APBB2: variants seen among roughly 807,000 people sequenced by gnomAD.
APBB2 encodes the protein amyloid beta precursor protein binding family B member 2.
Under a neutral mutation model 82.5 loss-of-function variants are expected in APBB2, and 38 were observed. The ratio of observed to expected loss-of-function variants is 0.46; its 90% CI spans 0.36 to 0.60. The LOEUF (loss-of-function observed/expected upper bound fraction) is 0.60. APBB2 is among the 20% of genes least tolerant of loss of function. APBB2 has a pLI of 0.00. For synonymous variants in APBB2, 341 were observed against 368.2 expected, an observed-to-expected ratio of 0.93 and a Z score of 0.85; for missense variants, 772 against 972.3, an observed-to-expected ratio of 0.79 and a Z score of 2.74.
intron 4 of APBB2, among the ~76,000 whole-genome samples, chr4:41,053,852 A>G (rs1398496760): frequency 1.3e-5 from 2 of 152,238 alleles, no homozygotes; most frequent in East Asian, 1.9e-4. Flanking sequence ...AACTTTTAAT[A>G]TAAGTTAGAG....
intron 10 of APBB2, among the ~76,000 whole-genome samples, chr4:40,909,332 T>G (rs567311579): frequency 6.6e-6 from 1 of 152,252 alleles, no homozygotes; most frequent in African/African-American, 2.4e-5. Flanking sequence ...CATGTTCAGG[T>G]TGGCTAATGA....
At chr4:41,058,279 CAA>C (rs1227382246) in intron 4 of APBB2, among the ~76,000 whole-genome samples, 1 of 146,108 alleles carries the variant, frequency 6.8e-6, no homozygotes, top group Non-Finnish European at 1.5e-5. Context: ...TAGCGAATTA[CAA>C]GAGAGGTTTA....
intron 5 of APBB2, among the ~76,000 whole-genome samples, chr4:41,023,622 C>T (rs932165703): frequency 1.3e-5 from 2 of 152,022 alleles, no homozygotes; most frequent in Admixed American, 1.3e-4. Context: ...ATACAGCTAA[C>T]CAGGGAAGTG....
Position 40,982,286 on chromosome 4 carries a change from G to GA in APBB2, c.835+31296dup, listed in dbSNP as rs1560446472. ...AGAAAGAAAGAAAGAAAGAAAGAAGGAAGGAAGGAAGGAAGGAAGGAAAGA... is the reference window on the plus strand; with the variant it reads ...AGAAAGAAAGAAAGAAAGAAAGAAGGAAAGGAAGGAAGGAAGGAAGGAAAGA... On this transcript the variant is annotated intron_variant, in intron 6 of 17. Transcript: ENST00000508593. Among the ~76,000 whole-genome samples the GA allele has an allele frequency of 3.7e-3, 120 of 32,114 alleles. 9 individuals are homozygous for GA. Among genetic ancestry groups the GA allele is most frequent in the African/African-American group, 0.022 (116 of 5,158 alleles). 21.1% of individuals were successfully genotyped at this position (32,114 alleles called of 152,430 possible).
intron 4 of APBB2, among the ~76,000 whole-genome samples, chr4:41,062,343 T>C (rs1015838199): frequency 1.6e-5 from 1 of 64,136 alleles, no homozygotes; most frequent in East Asian, 7.1e-3. Flanking sequence ...CAGCTAATTT[T>C]TGTATTTTTT....
intron 4 of APBB2, among the ~76,000 whole-genome samples, chr4:41,056,717 C>G (rs1214303012): frequency 6.6e-6 from 1 of 152,304 alleles, no homozygotes; most frequent in Middle Eastern, 3.4e-3. Context: ...TTAACTGTAC[C>G]TTTTCCCTCA....
At chr4:40,842,440 GC>G (rs1553934387) in intron 12 of APBB2, 2 of 445,456 alleles carry the variant, frequency 4.5e-6, no homozygotes, top group Non-Finnish European at 9.1e-6. Context: ...ACGGCATCCC[GC>G]CAATAACACA....
intron 16 of APBB2, 173 bp from the exon 17 acceptor site, chr4:40,822,223 T>C (rs1432184909): frequency 1.5e-6 from 1 of 662,500 alleles, no homozygotes; most frequent in Non-Finnish European, 2.6e-6. Flanking sequence ...CATCACTGCA[T>C]GGCTACCCTG....
rs1754683806 is a variant in APBB2, at chr4:41,127,339, A to C, written c.-261+15648T>G. On this transcript the variant is annotated intron_variant, in intron 2 of 17. Transcript: ENST00000508593. The surrounding 1 kb of genome is among the most constrained non-coding windows in gnomAD (Gnocchi z 4.8). ...CATTTGTACTGCGACAATACAACAC[A>C]AGGAAAAAAAAATCAAAGCATTCAC... Among the ~76,000 whole-genome samples, 1 of 152,214 alleles carries C rather than the reference A, an allele frequency of 6.6e-6. No homozygotes were observed. The highest frequency in any genetic ancestry group is 2.1e-4 in the South Asian group (1 of 4,832).
Position 40,977,938 on chromosome 4 carries a change from G to A in APBB2, c.836-32865C>T, listed in dbSNP as rs529953712. Among the ~76,000 whole-genome samples the A allele has an allele frequency of 9.8e-5, 15 of 152,348 alleles. 1 individual carries two copies. The highest frequency in any genetic ancestry group is 3.4e-4 in the African/African-American group (14 of 41,582). ...CCAAGGCTCAGGAGGGTGTGACATA[G>A]TGATGTGGCAGGCAATCAGAGGCTT... On this transcript the variant is annotated intron_variant, in intron 6 of 17. Coordinates refer to ENST00000508593, the MANE Select transcript of APBB2 (RefSeq NM_004307.2).
At chr4:40,957,472 C>A (rs1791947953) in intron 6 of APBB2, among the ~76,000 whole-genome samples, 1 of 152,082 alleles carries the variant, frequency 6.6e-6, no homozygotes, top group Non-Finnish European at 1.5e-5. Flanking sequence ...TGTTTTCTGT[C>A]ATGTAGTTGA....
At chr4:41,209,755 G>A (rs1434559062) in intron 1 of APBB2, among the ~76,000 whole-genome samples, 3 of 152,286 alleles carry the variant, frequency 2.0e-5, no homozygotes, top group African/African-American at 7.2e-5. Context: ...TAGACTGGCA[G>A]GGCCATAAAG....
intron 10 of APBB2, among the ~76,000 whole-genome samples, chr4:40,914,509 G>A (rs149012512): frequency 0.027 from 4,165 of 152,266 alleles, 189 homozygotes; most frequent in African/African-American, 0.088. Context: ...CCGACATCGC[G>A]CCATTGCACT....
chr4:41,081,485 A>G (rs943756979), intron 3 of APBB2, among the ~76,000 whole-genome samples: 3 of 152,276 alleles, frequency 2.0e-5, no homozygotes, highest in South Asian at 2.1e-4. Flanking sequence ...ATGCATGCGT[A>G]TAAAGGAGGT....
At chr4:41,213,820 C>G (rs13102133) in intron 1 of APBB2, among the ~76,000 whole-genome samples, 22,711 of 152,252 alleles carry the variant, frequency 0.15, 1,901 homozygotes, top group Non-Finnish European at 0.17. Flanking sequence ...ACTTTTCCCC[C>G]CTTTCATGTC....
intron 6 of APBB2, among the ~76,000 whole-genome samples, chr4:41,000,297 G>A (rs541794216): frequency 1.3e-5 from 2 of 151,702 alleles, no homozygotes; most frequent in African/African-American, 2.4e-5. Flanking sequence ...ATTTAAAAAG[G>A]GCAAAGTCAA....
At chr4:40,971,291 ATTCTC>A (rs1795869996) in intron 6 of APBB2, among the ~76,000 whole-genome samples, 1 of 152,202 alleles carries the variant, frequency 6.6e-6, no homozygotes. Flanking sequence ...TTAAACCTGA[ATTCTC>A]TTATCTTTCA....
At chr4:40,830,031 TTTTCCCAGTTTTC>T (rs899010870) in intron 13 of APBB2, among the ~76,000 whole-genome samples, 1 of 152,200 alleles carries the variant, frequency 6.6e-6, no homozygotes, top group African/African-American at 2.4e-5. Flanking sequence ...CTTTGACTCC[TTTTCCCAGTTTTC>T]TGGGGTGTAC....
intron 8 of APBB2, 100 bp from the exon 9 acceptor site, chr4:40,934,799 G>A (rs1344190402): frequency 1.2e-6 from 1 of 854,464 alleles, no homozygotes; most frequent in African/African-American, 1.7e-5. Context: ...AAGAGGCAGA[G>A]AGTGTACGTG....
Sources: gnomAD v4.1 joint callset for allele counts (sites outside exome capture counted in the v4.1 genomes callset) on GRCh38, gnomAD v4.1.1 for gene constraint, Gnocchi (gnomAD v3.1) non-coding constraint, MANE v1.5 for transcripts, NCBI Gene and HGNC (gene_info 2026-07-23, HGNC 2026-07-21) for gene names.